KIF2C: variants seen among roughly 807,000 people sequenced by gnomAD.
KIF2C encodes kinesin-like protein KIF2C.
Under a neutral mutation model 97.4 loss-of-function variants are expected in KIF2C, and 34 were observed. That is an observed-to-expected ratio of 0.35 (90% CI 0.27 to 0.46). The LOEUF is 0.46. Ranked by LOEUF, KIF2C falls within the 20% of genes least tolerant of loss-of-function variation. The pLI is 1.00. For synonymous variants in KIF2C, 313 were observed against 318.2 expected (o/e 0.98, Z 0.17); for missense variants, 750 against 907.6 (o/e 0.83, Z 2.23).
chr1:44,743,894 T>C (rs993496753), intron 2 of KIF2C, among the ~76,000 whole-genome samples: 15 of 152,246 alleles, frequency 9.9e-5, no homozygotes, highest in South Asian at 2.1e-4. Flanking sequence ...ATACTTTCCA[T>C]TATCTGCCCC....
rs1649279064 is a variant in KIF2C at position 44,747,586 on chromosome 1, G to C, written c.268-66G>C. 2.5e-6 allele frequency: 4 copies of C among 1,577,716 alleles called. No individual in the cohort carries two copies. The Admixed American group carries it at 5.2e-5, about 21-fold the overall frequency. ...GTCTGGCATTTTAGCATAGTACATG[G>C]GCCCAGGATGGGCCCTTGAGAATTG... On this transcript the variant is annotated intron_variant, in intron 3 of 20. Coordinates refer to ENST00000372224, the MANE Select transcript of KIF2C (RefSeq NM_006845.4).
At chr1:44,751,642 G>A (rs542938250) in intron 5 of KIF2C, among the ~76,000 whole-genome samples, 36 of 149,524 alleles carry the variant, frequency 2.4e-4, no homozygotes, top group Non-Finnish European at 5.2e-4. Flanking sequence ...CCGAGTAGGT[G>A]AGATTACAGG....
At chr1:44,746,341 A>G (rs1030725286) in intron 2 of KIF2C, 1 of 1,024,200 alleles carries the variant, frequency 9.8e-7, no homozygotes, top group African/African-American at 1.7e-5. Context: ...CAGGACTCTG[A>G]TGATGTAAAC....
At position 44,760,024 on chromosome 1, in the gene KIF2C, G is replaced by A. The variant is rs1447598775; in HGVS notation, c.1368-256G>A. The stretch of plus-strand genomic sequence containing the variant: ...TAGCAGAGGGAATTTATCCTTCCCC[G>A]TGTCCTTCTAGGGCTCCAGGTCTGA... On this transcript the variant is annotated intron_variant, in intron 14 of 20. Coordinates refer to ENST00000372224, the MANE Select transcript of KIF2C (RefSeq NM_006845.4). The surrounding 1 kb of genome is among the most constrained non-coding windows in gnomAD (Gnocchi z 4.2). 6.6e-6 allele frequency among the ~76,000 whole-genome samples: 1 copy of A among 152,120 alleles called. No homozygotes were observed. Among genetic ancestry groups the A allele is most frequent in the Non-Finnish European group, 1.5e-5 (1 of 68,022 alleles).
chr1:44,752,112 G>C (rs1190750177), intron 5 of KIF2C, among the ~76,000 whole-genome samples: 1 of 144,732 alleles, frequency 6.9e-6, no homozygotes, highest in East Asian at 2.0e-4. Context: ...GAGCCACTGC[G>C]CCCGGCCTAT....
intron 17 of KIF2C, 28 bp from the exon 18 acceptor site, chr1:44,762,318 G>A (rs759314809): frequency 1.9e-6 from 3 of 1,576,290 alleles, no homozygotes; most frequent in Non-Finnish European, 2.6e-6. Flanking sequence ...GGGGTGCTGT[G>A]GGATCTGAGA....
At chr1:44,762,130 T>C in intron 17 of KIF2C, 147 bp downstream of exon 17, 1 of 866,354 alleles carries the variant, frequency 1.2e-6, no homozygotes, top group Non-Finnish European at 1.9e-6. Context: ...TCCGCCGTGA[T>C]GCTAGGTCTG....
chr1:44,740,621 A>G (rs1363593809), intron 1 of KIF2C, among the ~76,000 whole-genome samples: 2 of 152,030 alleles, frequency 1.3e-5, no homozygotes, highest in Non-Finnish European at 2.9e-5. Flanking sequence ...TACCTTTTGT[A>G]TGTTCTCTTT....
Position 44,750,542 on chromosome 1 carries a change from C to G in KIF2C, c.417C>G (p.Ser139=), listed in dbSNP as rs1295661634. 1.3e-6 allele frequency: 2 copies of G among 1,583,592 alleles called. No individual in the cohort carries two copies. Among genetic ancestry groups the G allele is most frequent in the Non-Finnish European group, 8.6e-7 (1 of 1,162,536 alleles). ...MEVELPAAAN[S]RKQFSVPPAP... ...TGGAGCTGCCTGCAGCTGCAAACTC[C>G]CGCAAGCAGTTTTCAGTTCCTCGTG... Residue 139 remains serine (S), a synonymous_variant, in exon 5 of 21, where the codon TCC becomes TCG. Coordinates refer to ENST00000372224, the MANE Select transcript of KIF2C (RefSeq NM_006845.4).
intron 2 of KIF2C, among the ~76,000 whole-genome samples, chr1:44,745,884 CT>C (rs956967695): frequency 2.0e-5 from 3 of 147,660 alleles, no homozygotes; most frequent in Non-Finnish European, 1.5e-5. Context: ...TTTTCTTTTT[CT>C]TTTTTTTTTG....
In KIF2C at chr1:44,760,012, T is replaced by G. The variant is rs975870405; in HGVS notation, c.1368-268T>G. Among the ~76,000 whole-genome samples the G allele has an allele frequency of 1.3e-5, 2 of 152,122 alleles. No individual in the cohort carries two copies. Among genetic ancestry groups the G allele is most frequent in the South Asian group, 4.1e-4 (2 of 4,824 alleles). Reference sequence around the variant, plus strand: ...CTTTGGGCCCTTTAGCAGAGGGAATTTATCCTTCCCCGTGTCCTTCTAGGG... The same window carrying G: ...CTTTGGGCCCTTTAGCAGAGGGAATGTATCCTTCCCCGTGTCCTTCTAGGG... On this transcript the variant is annotated intron_variant, in intron 14 of 20. Coordinates refer to ENST00000372224, the MANE Select transcript of KIF2C (RefSeq NM_006845.4). This position sits in a 1 kb window ranked among gnomAD's most constrained non-coding sequence, Gnocchi z 4.2.
chr1:44,756,608 AG>A (rs1557597121), intron 10 of KIF2C, among the ~76,000 whole-genome samples: 1 of 133,948 alleles, frequency 7.5e-6, no homozygotes, highest in African/African-American at 2.9e-5. Context: ...ACTGGAATGC[AG>A]GGGCACAATC....
intron 4 of KIF2C, among the ~76,000 whole-genome samples, chr1:44,749,187 T>C (rs34948885): frequency 0.012 from 1,889 of 151,500 alleles, 19 homozygotes; most frequent in Non-Finnish European, 0.021. Flanking sequence ...AATCCCAGCA[T>C]TTTAGGAGGC....
chr1:44,745,462 G>A (rs372540620), intron 2 of KIF2C, among the ~76,000 whole-genome samples: 1 of 42,748 alleles, frequency 2.3e-5, no homozygotes, highest in African/African-American at 1.2e-4. Flanking sequence ...GGTTGTATAT[G>A]TCTTTTTTTT....
intron 2 of KIF2C, among the ~76,000 whole-genome samples, chr1:44,745,296 T>C (rs902547663): frequency 1.3e-5 from 2 of 151,406 alleles, no homozygotes; most frequent in Non-Finnish European, 2.9e-5. Flanking sequence ...GTCCCAGAAG[T>C]GTGGATAGAA....
At chr1:44,765,851 A>G (rs1650433816) in intron 19 of KIF2C, among the ~76,000 whole-genome samples, 1 of 152,216 alleles carries the variant, frequency 6.6e-6, no homozygotes, top group African/African-American at 2.4e-5. Flanking sequence ...CGGGAATTTG[A>G]GACCAGCCTG....
intron 1 of KIF2C, among the ~76,000 whole-genome samples, chr1:44,740,687 TC>T (rs908776630): frequency 3.9e-5 from 6 of 152,020 alleles, no homozygotes; most frequent in African/African-American, 1.4e-4. Context: ...TGAATCCTTA[TC>T]CCATGCAGCT....
At position 44,757,546 on chromosome 1, in the gene KIF2C, C is replaced by T; in HGVS notation, c.978-10C>T. The T allele has an allele frequency of 6.3e-7, 1 of 1,580,474 alleles. No individual in the cohort carries two copies. The highest frequency in any genetic ancestry group is 8.7e-7 in the Non-Finnish European group (1 of 1,149,458). The stretch of plus-strand genomic sequence containing the variant: ...TGGGAACAGATACAAATACTCTACC[C>T]CTCTTCTAGGTTCACAGCAAGGCCA... On this transcript the variant is annotated splice_polypyrimidine_tract_variant and intron_variant, in intron 10 of 20. Transcript: ENST00000372224.
In KIF2C at chr1:44,747,518, G is replaced by A. The variant is rs781412596; in HGVS notation, c.267+33G>A. On this transcript the variant is annotated intron_variant, in intron 3 of 20. Coordinates refer to ENST00000372224, the MANE Select transcript of KIF2C (RefSeq NM_006845.4). ...CCTGTCATCTGGCTGCAGCCAGTGC[G>A]CCAGAGAATTCACTTTGCTTATTGA... 85 of 1,584,134 alleles carry A rather than the reference G, an allele frequency of 5.4e-5. 2 individuals are homozygous for A. The South Asian group carries it at 6.5e-4, about 12-fold the overall frequency.
Sources: gnomAD v4.1 joint callset for allele counts (sites outside exome capture counted in the v4.1 genomes callset) on GRCh38, gnomAD v4.1.1 for gene constraint, Gnocchi (gnomAD v3.1) non-coding constraint, MANE v1.5 for transcripts, NCBI Gene and HGNC (gene_info 2026-07-23, HGNC 2026-07-21) for gene names.